The following ZNF251 variants were observed in gnomAD, a reference collection of about 807,000 sequenced individuals.
The protein encoded by ZNF251 is zinc finger protein 251.
A neutral mutation model predicts 13.5 loss-of-function variants in ZNF251; 14 were observed. The observed-to-expected ratio is 1.04, with a 90% CI of 0.69 to 1.63. ZNF251 has a LOEUF of 1.63. Ranked by LOEUF, ZNF251 falls within the 40% of genes most tolerant of loss-of-function variation. ZNF251 has a pLI of 0.00. For synonymous variants in ZNF251, 287 were observed against 295.2 expected, an observed-to-expected ratio of 0.97 and a Z score of 0.28; for missense variants, 764 against 834.9, an observed-to-expected ratio of 0.92 and a Z score of 1.05.
intron 4 of ZNF251, chr8:144,730,065 T>C (rs1052904988): frequency 1.0e-6 from 1 of 985,352 alleles, no homozygotes; most frequent in African/African-American, 1.7e-5. Context: ...TGCAGCTGTA[T>C]GGCAGGCCCA....
In ZNF251 at chr8:144,754,573, A is replaced by G. The variant is rs1379540293; in HGVS notation, c.33+123T>C. The G allele has an allele frequency of 7.5e-6, 11 of 1,462,170 alleles. No individual in the cohort carries two copies. In the African/African-American group the frequency reaches 1.0e-4, roughly 13 times the overall value. The allele number at this position is 1,462,170 out of a possible 1,614,324, so 90.6% of individuals were successfully genotyped here. On this transcript the variant is annotated intron_variant, in intron 2 of 4. Coordinates refer to ENST00000292562, the MANE Select transcript of ZNF251 (RefSeq NM_138367.2). ...GTCTACCTCTCAGAACCCTTTCCTC[A>G]CGGTTGCTATGAGCCCCTGGCTGGC...
intron 4 of ZNF251, among the ~76,000 whole-genome samples, chr8:144,741,500 GT>G (rs1159712604): frequency 6.6e-6 from 1 of 152,146 alleles, no homozygotes; most frequent in African/African-American, 2.4e-5. Flanking sequence ...AATAGAGCAC[GT>G]TTTTGTGAGA....
At chr8:144,754,081 C>A in intron 3 of ZNF251, 111 bp downstream of exon 3, 1 of 1,424,528 alleles carries the variant, frequency 7.0e-7, no homozygotes. Flanking sequence ...CAGACTGATA[C>A]CCGGGGACAA....
intron 4 of ZNF251, among the ~76,000 whole-genome samples, chr8:144,747,810 C>T (rs1824499148): frequency 6.6e-6 from 1 of 152,082 alleles, no homozygotes; most frequent in African/African-American, 2.4e-5. Flanking sequence ...TGGGGTTTCT[C>T]CATGTTGGTC....
At chr8:144,737,244 C>T (rs1823937430) in intron 4 of ZNF251, among the ~76,000 whole-genome samples, 1 of 151,904 alleles carries the variant, frequency 6.6e-6, no homozygotes, top group South Asian at 2.1e-4. Context: ...ATTACAGGTG[C>T]TCACTACCAC....
intron 4 of ZNF251, among the ~76,000 whole-genome samples, chr8:144,727,145 CA>C (rs1454635433): frequency 1.3e-5 from 2 of 152,212 alleles, no homozygotes; most frequent in African/African-American, 4.8e-5. Context: ...AAGCAAAACT[CA>C]GTGATTATCC....
rs769783822 is a variant in ZNF251, at chr8:144,722,934, A to T, written c.726T>A (p.Cys242Ter). ...TGEKPYECGRCGRAFTHSSNL... is the reference protein window; with the variant it reads ...TGEKPYECGR Reference sequence around the variant, plus strand: ...TTGAGCTGTGAGTAAAGGCTCGCCCACACCGGCCACATTCGTACGGCTTCT... The same window carrying T: ...TTGAGCTGTGAGTAAAGGCTCGCCCTCACCGGCCACATTCGTACGGCTTCT... The change falls in exon 5 of 5, where the codon TGT becomes TGA. Residue 242 changes from cysteine to a stop codon, truncating the protein, a stop_gained. Coordinates refer to ENST00000292562, the MANE Select transcript of ZNF251 (RefSeq NM_138367.2). LOFTEE classifies it low-confidence loss of function (END_TRUNC). This position sits in a 1 kb window ranked among gnomAD's most constrained non-coding sequence, Gnocchi z 4.8. 12 of 1,613,874 alleles carry T rather than the reference A, an allele frequency of 7.4e-6. No individual in the cohort carries two copies. Among genetic ancestry groups the T allele is most frequent in the Non-Finnish European group, 1.0e-5 (12 of 1,179,890 alleles).
At chr8:144,733,544 C>T (rs1823785347) in intron 4 of ZNF251, among the ~76,000 whole-genome samples, 1 of 152,244 alleles carries the variant, frequency 6.6e-6, no homozygotes, top group Non-Finnish European at 1.5e-5. Context: ...CACCTACACA[C>T]AGCTGCTTGA....
intron 4 of ZNF251, among the ~76,000 whole-genome samples, chr8:144,738,107 C>G (rs1156796477): frequency 6.6e-6 from 1 of 152,144 alleles, no homozygotes; most frequent in Non-Finnish European, 1.5e-5. Flanking sequence ...GCAACCACCT[C>G]TCAGTGGGGA....
At chr8:144,732,291 G>A (rs970177103) in intron 4 of ZNF251, among the ~76,000 whole-genome samples, 22 of 152,184 alleles carry the variant, frequency 1.4e-4, no homozygotes, top group African/African-American at 5.1e-4. Context: ...GGGTCTGGTA[G>A]AGGGATAGTG....
intron 4 of ZNF251, among the ~76,000 whole-genome samples, chr8:144,753,224 G>A (rs1308262316): frequency 3.7e-5 from 5 of 135,584 alleles, no homozygotes; most frequent in African/African-American, 1.1e-4. Context: ...GCAGTGAGCC[G>A]AGATCGTGCC....
chr8:144,743,661 G>A (rs964549305), intron 4 of ZNF251, among the ~76,000 whole-genome samples: 3 of 152,158 alleles, frequency 2.0e-5, no homozygotes, highest in Non-Finnish European at 2.9e-5. Flanking sequence ...AGTGACCACC[G>A]TTTTGCATCC....
chr8:144,738,411 C>T, intron 4 of ZNF251: 1 of 271,920 alleles, frequency 3.7e-6, no homozygotes, highest in Non-Finnish European at 5.6e-6. Context: ...CCCCACCATG[C>T]CACAGCTCAG....
chr8:144,754,420 G>A (rs1178990304), intron 2 of ZNF251, 99 bp from the exon 3 acceptor site: 3 of 1,463,194 alleles, frequency 2.1e-6, no homozygotes, highest in Non-Finnish European at 2.7e-6. Flanking sequence ...CCAGGGCCCT[G>A]CTGTGGTCAG....
chr8:144,728,771 G>C (rs1402838790), intron 4 of ZNF251, among the ~76,000 whole-genome samples: 1 of 151,630 alleles, frequency 6.6e-6, no homozygotes, highest in Non-Finnish European at 1.5e-5. Context: ...CTCAACACAA[G>C]GTCGTCACAA....
intron 4 of ZNF251, among the ~76,000 whole-genome samples, chr8:144,742,561 T>C (rs1824213589): frequency 6.7e-6 from 1 of 149,692 alleles, no homozygotes; most frequent in Non-Finnish European, 1.5e-5. Context: ...CATGACCATC[T>C]AAAATCTCAG....
chr8:144,753,274 G>GAAAAAAAAAAAAAA (rs11336657), intron 4 of ZNF251, among the ~76,000 whole-genome samples: 1 of 41,818 alleles, frequency 2.4e-5, no homozygotes, highest in Non-Finnish European at 4.0e-5. Context: ...ATTCTGTCTC[G>GAAAAAAAAAAAAAA]AAAAAAAAAA....
intron 4 of ZNF251, among the ~76,000 whole-genome samples, chr8:144,725,636 C>G (rs1200966523): frequency 6.6e-6 from 1 of 152,138 alleles, no homozygotes; most frequent in East Asian, 1.9e-4. Context: ...GGTGGTGCCT[C>G]CTTTTTCATT....
At chr8:144,738,663 G>T in intron 4 of ZNF251, 1 of 985,460 alleles carries the variant, frequency 1.0e-6, no homozygotes, top group Non-Finnish European at 1.2e-6. Flanking sequence ...CAGGCAAGTG[G>T]AAACAGCACA....
Sources: gnomAD v4.1 joint callset for allele counts (sites outside exome capture counted in the v4.1 genomes callset) on GRCh38, gnomAD v4.1.1 for gene constraint, Gnocchi (gnomAD v3.1) non-coding constraint, MANE v1.5 for transcripts, NCBI Gene and HGNC (gene_info 2026-07-23, HGNC 2026-07-21) for gene names.